Variants in SRGAP1 observed in about 807,000 individuals in gnomAD.
SRGAP1 encodes SLIT-ROBO Rho GTPase-activating protein 1.
A neutral mutation model predicts 121.9 loss-of-function variants in SRGAP1; 43 were observed. That is an observed-to-expected ratio of 0.35 (90% CI 0.28 to 0.46). The LOEUF is 0.46. SRGAP1 is among the 20% of genes least tolerant of loss of function. The pLI is 1.00. For missense variants in SRGAP1, 1,102 were observed against 1,350.9 expected (o/e 0.82, Z 2.89); for synonymous variants, 447 against 485.4 (o/e 0.92, Z 1.04).
intron 3 of SRGAP1, among the ~76,000 whole-genome samples, chr12:63,996,099 C>A (rs1023463878): frequency 6.6e-6 from 1 of 151,102 alleles, no homozygotes; most frequent in African/African-American, 2.4e-5. Flanking sequence ...GAACCTATTT[C>A]TCTTTGAATA....
intron 6 of SRGAP1, among the ~76,000 whole-genome samples, chr12:64,053,258 C>T (rs2035273603): frequency 6.6e-6 from 1 of 152,154 alleles, no homozygotes; most frequent in Non-Finnish European, 1.5e-5. Context: ...GTCTGTGTCA[C>T]AGCTACTCAA....
chr12:64,053,220 A>G (rs747792679), intron 6 of SRGAP1, among the ~76,000 whole-genome samples: 3 of 152,150 alleles, frequency 2.0e-5, no homozygotes, highest in Non-Finnish European at 4.4e-5. Context: ...CCAGATGGTA[A>G]ATATTTTAGG....
chr12:64,088,432 A>G (rs916023095), intron 11 of SRGAP1, among the ~76,000 whole-genome samples: 4 of 152,212 alleles, frequency 2.6e-5, no homozygotes, highest in Non-Finnish European at 5.9e-5. Flanking sequence ...AAATATATTA[A>G]TTTGCCATGA....
chr12:64,109,723 G>C (rs1029059531), intron 16 of SRGAP1, among the ~76,000 whole-genome samples: 1 of 152,156 alleles, frequency 6.6e-6, no homozygotes, highest in Non-Finnish European at 1.5e-5. Context: ...TGGAAACAAA[G>C]AAATGCAGGG....
intron 1 of SRGAP1, among the ~76,000 whole-genome samples, chr12:63,960,847 C>T (rs985059522): frequency 2.0e-5 from 3 of 152,132 alleles, no homozygotes; most frequent in African/African-American, 7.2e-5. Flanking sequence ...TCAGCAGGCT[C>T]TAGAAGCTGG....
Position 64,156,055 on chromosome 12 carries a change from G to A in SRGAP1, c.*13383G>A, listed in dbSNP as rs2037162155. On this transcript the variant is annotated 3_prime_UTR_variant, in exon 22 of 22. Transcript: ENST00000355086. ...TTCAGATTAAAACAAACAAACAAAA[G>A]CTGAGGTTTAAAGAAATTATCTCTT... 6.6e-6 allele frequency: 1 copy of A among 152,078 alleles called. No individual in the cohort carries two copies. 9.4% of individuals were successfully genotyped at this position (152,078 alleles called of 1,614,324 possible).
At chr12:64,026,867 A>G (rs2034664432) in intron 4 of SRGAP1, among the ~76,000 whole-genome samples, 1 of 148,880 alleles carries the variant, frequency 6.7e-6, no homozygotes, top group Non-Finnish European at 1.5e-5. Flanking sequence ...CTCCATCTCA[A>G]AAAAAAAAAA....
At chr12:64,045,534 C>G (rs1045981230) in intron 6 of SRGAP1, among the ~76,000 whole-genome samples, 4 of 151,792 alleles carry the variant, frequency 2.6e-5, no homozygotes, top group African/African-American at 9.7e-5. Flanking sequence ...CTCCCAGGTT[C>G]AAGCAATTCT....
At position 64,095,238 on chromosome 12, in the gene SRGAP1, G is replaced by A. The variant is rs781244330; in HGVS notation, c.1678+34G>A. 21 of 1,588,286 alleles carry A rather than the reference G, an allele frequency of 1.3e-5. No homozygotes were observed. In the South Asian group the frequency reaches 2.0e-4, roughly 15 times the overall value. Reference sequence around the variant, plus strand: ...ACGTCTATCCCTATAAGCAAACCACGTTGAAAAGTCATCATGTTCTGTAAA... The same window carrying A: ...ACGTCTATCCCTATAAGCAAACCACATTGAAAAGTCATCATGTTCTGTAAA... On this transcript the variant is annotated intron_variant, in intron 14 of 21. Transcript: ENST00000355086.
At chr12:64,136,528 T>A (rs1312096878) in intron 21 of SRGAP1, among the ~76,000 whole-genome samples, 1 of 152,102 alleles carries the variant, frequency 6.6e-6, no homozygotes, top group Non-Finnish European at 1.5e-5. Context: ...TGGAAAAGGA[T>A]TAAAGATGGG....
At chr12:63,927,446 G>T (rs770211556) in intron 1 of SRGAP1, among the ~76,000 whole-genome samples, 8 of 152,184 alleles carry the variant, frequency 5.3e-5, no homozygotes, top group Non-Finnish European at 1.0e-4. Flanking sequence ...GCAGATGGAG[G>T]TGGCATCCTC....
At chr12:64,061,486 T>C (rs1270420008) in intron 6 of SRGAP1, among the ~76,000 whole-genome samples, 2 of 152,238 alleles carry the variant, frequency 1.3e-5, no homozygotes, top group Non-Finnish European at 2.9e-5. Context: ...AATGCTATTT[T>C]TCATTCTTTT....
chr12:64,066,610 T>C (rs906642304), intron 8 of SRGAP1, among the ~76,000 whole-genome samples: 1 of 152,230 alleles, frequency 6.6e-6, no homozygotes, highest in Non-Finnish European at 1.5e-5. Context: ...ATGATGTGTT[T>C]TTAGACCAGT....
intron 4 of SRGAP1, among the ~76,000 whole-genome samples, chr12:64,042,266 A>G (rs537049470): frequency 1.3e-5 from 2 of 152,258 alleles, no homozygotes; most frequent in South Asian, 2.1e-4. Flanking sequence ...TACATTGAAC[A>G]TAAAAAATAT....
At chr12:64,046,519 C>A (rs1412762902) in intron 6 of SRGAP1, among the ~76,000 whole-genome samples, 1 of 152,088 alleles carries the variant, frequency 6.6e-6, no homozygotes, top group East Asian at 1.9e-4. Context: ...AGGATCAAAA[C>A]AGATTGAAGC....
chr12:64,114,670 T>G (rs536031240), intron 17 of SRGAP1, among the ~76,000 whole-genome samples: 175 of 152,208 alleles, frequency 1.1e-3, no homozygotes, highest in African/African-American at 3.9e-3. Context: ...TTTTTAAATA[T>G]TAGGGCTATG....
chr12:64,041,772 A>G (rs1172133120), intron 4 of SRGAP1, among the ~76,000 whole-genome samples: 1 of 150,904 alleles, frequency 6.6e-6, no homozygotes, highest in Non-Finnish European at 1.5e-5. Flanking sequence ...ACATGTGTGT[A>G]TGTGTGTGTG....
intron 3 of SRGAP1, among the ~76,000 whole-genome samples, chr12:64,012,043 C>T (rs779079650): frequency 1.2e-4 from 18 of 151,646 alleles, no homozygotes; most frequent in Non-Finnish European, 2.6e-4. Flanking sequence ...GCCTAGGTGA[C>T]AGAGGGAGAC....
At chr12:63,887,655 C>CA (rs1190110061) in intron 1 of SRGAP1, 1 of 152,246 alleles carries the variant, frequency 6.6e-6, no homozygotes, top group African/African-American at 2.4e-5. Flanking sequence ...CTTAGGTCTG[C>CA]AGCCTCCACC....
Sources: allele counts gnomAD v4.1 joint callset (sites outside exome capture counted in the v4.1 genomes callset), GRCh38; gene constraint gnomAD v4.1.1; transcripts MANE v1.5; gene names NCBI Gene and HGNC (gene_info 2026-07-23, HGNC 2026-07-21).